Variants in CCDC178 observed in about 807,000 individuals in gnomAD.
The protein encoded by CCDC178 is coiled-coil domain containing 178, also known as coiled-coil domain-containing protein 178.
In CCDC178, 126 loss-of-function variants were observed where a neutral mutation model predicts 117.4. That is an observed-to-expected ratio of 1.07 (90% confidence interval 0.93 to 1.24). The LOEUF (loss-of-function observed/expected upper bound fraction) is 1.24, where lower values mean the gene tolerates loss of function less well. Ranked by LOEUF, CCDC178 falls within the 50% of genes most tolerant of loss-of-function variation. The probability of loss-of-function intolerance (pLI) is 0.00; values close to 1 mark genes in which losing one functional copy is unlikely to be tolerated. For synonymous variants in CCDC178, 283 were observed against 313.4 expected (o/e 0.90, Z 1.02); for missense variants, 1,030 against 986.9 (o/e 1.04, Z -0.59).
At chr18:33,370,822 T>C (rs1360680823) in intron 5 of CCDC178, among the ~76,000 whole-genome samples, 1 of 152,064 alleles carries the variant, frequency 6.6e-6, no homozygotes. Context: ...CTCAGTCCGA[T>C]GTGCCTCAGT....
chr18:33,404,432 A>T (rs1014127327), intron 3 of CCDC178, among the ~76,000 whole-genome samples: 8 of 152,108 alleles, frequency 5.3e-5, no homozygotes, highest in Non-Finnish European at 8.8e-5. Context: ...TATAATAATA[A>T]AGTAAAAACA....
At chr18:33,125,473 C>T (rs931745475) in intron 20 of CCDC178, among the ~76,000 whole-genome samples, 1 of 152,158 alleles carries the variant, frequency 6.6e-6, no homozygotes, top group African/African-American at 2.4e-5. Flanking sequence ...AATGACTTCA[C>T]ATATGCTTGA....
chr18:32,978,227 T>TTTG (rs1309843917), intron 21 of CCDC178, among the ~76,000 whole-genome samples: 12 of 144,222 alleles, frequency 8.3e-5, no homozygotes, highest in Non-Finnish European at 1.2e-4. Context: ...TTTTTTTTTT[T>TTTG]GCGGGGAAAT....
At chr18:32,977,588 TAAGAC>T (rs2055054285) in intron 21 of CCDC178, among the ~76,000 whole-genome samples, 1 of 152,088 alleles carries the variant, frequency 6.6e-6, no homozygotes, top group South Asian at 2.1e-4. Flanking sequence ...AATAGACTAT[TAAGAC>T]AAGAAAAGTT....
chr18:33,391,077 A>C (rs942634867), intron 4 of CCDC178, among the ~76,000 whole-genome samples: 1 of 151,334 alleles, frequency 6.6e-6, no homozygotes, highest in Non-Finnish European at 1.5e-5. Context: ...TCAAATAGCT[A>C]TTATAATATA....
intron 21 of CCDC178, among the ~76,000 whole-genome samples, chr18:33,022,931 GA>G (rs1357708210): frequency 6.6e-6 from 1 of 152,054 alleles, no homozygotes; most frequent in Admixed American, 6.6e-5. Context: ...AAACAGGAAT[GA>G]CTGTGTTGAT....
chr18:33,215,806 G>T lies in CCDC178; in HGVS notation c.1933-111C>A, dbSNP rs559226572. 3.2e-5 allele frequency: 25 copies of T among 771,536 alleles called. No individual in the cohort carries two copies. The African/African-American group carries it at 4.1e-4, about 13-fold the overall frequency. 47.8% of individuals were successfully genotyped at this position (771,536 alleles called of 1,614,324 possible). ...GTGAACAACTAAAAGTTAATAGTGGGCCACACCTGATGGCTCACTCCTGTA... is the reference window on the plus strand; with the variant it reads ...GTGAACAACTAAAAGTTAATAGTGGTCCACACCTGATGGCTCACTCCTGTA... On this transcript the variant is annotated intron_variant, in intron 18 of 22. Transcript: ENST00000383096.
intron 20 of CCDC178, among the ~76,000 whole-genome samples, chr18:33,198,379 A>T: frequency 6.6e-6 from 1 of 152,186 alleles, no homozygotes; most frequent in East Asian, 1.9e-4. Context: ...GCTCTGGTGG[A>T]ACACTTTAGG....
intron 20 of CCDC178, among the ~76,000 whole-genome samples, chr18:33,158,099 C>T (rs1254581435): frequency 6.6e-6 from 1 of 152,124 alleles, no homozygotes; most frequent in Non-Finnish European, 1.5e-5. Context: ...ACTTCCCCTT[C>T]CTAAAAGTGT....
intron 2 of CCDC178, among the ~76,000 whole-genome samples, chr18:33,425,151 C>A (rs979289601): frequency 2.6e-5 from 4 of 152,082 alleles, no homozygotes; most frequent in Admixed American, 2.0e-4. Context: ...AGCTTCTAAA[C>A]CCCTATGCAA....
At chr18:33,386,968 C>T (rs572124523) in intron 5 of CCDC178, among the ~76,000 whole-genome samples, 1 of 152,204 alleles carries the variant, frequency 6.6e-6, no homozygotes, top group East Asian at 1.9e-4. Flanking sequence ...TAGAAAACCC[C>T]ATCGACTCAG....
At chr18:32,964,018 TTA>T (rs2054760336) in intron 22 of CCDC178, among the ~76,000 whole-genome samples, 1 of 152,068 alleles carries the variant, frequency 6.6e-6, no homozygotes, top group African/African-American at 2.4e-5. Flanking sequence ...AATTTACATT[TTA>T]CCCATATCAA....
intron 2 of CCDC178, among the ~76,000 whole-genome samples, chr18:33,424,665 A>G (rs1430581062): frequency 1.3e-5 from 2 of 152,204 alleles, no homozygotes; most frequent in African/African-American, 2.4e-5. Context: ...GGCACGGCCC[A>G]GAGGGAGAAA....
chr18:32,982,370 T>A (rs991070992), intron 21 of CCDC178, among the ~76,000 whole-genome samples: 9 of 152,148 alleles, frequency 5.9e-5, no homozygotes, highest in African/African-American at 2.2e-4. Flanking sequence ...AACTATAAAT[T>A]GTTTTGCCAG....
chr18:33,074,084 CTG>C (rs1369242097), intron 21 of CCDC178, among the ~76,000 whole-genome samples: 1 of 151,980 alleles, frequency 6.6e-6, no homozygotes, highest in Non-Finnish European at 1.5e-5. Context: ...GAGGAAGAGA[CTG>C]GATTATGCAG....
At chr18:33,385,283 C>A (rs1360784921) in intron 5 of CCDC178, among the ~76,000 whole-genome samples, 1 of 152,186 alleles carries the variant, frequency 6.6e-6, no homozygotes, top group Non-Finnish European at 1.5e-5. Context: ...TTTAATAACT[C>A]ACTGTCAGTA....
At chr18:32,985,786 T>G (rs1428235349) in intron 21 of CCDC178, among the ~76,000 whole-genome samples, 4 of 152,002 alleles carry the variant, frequency 2.6e-5, no homozygotes, top group Non-Finnish European at 5.9e-5. Flanking sequence ...CTCTGGAAAT[T>G]TATTATGGTA....
chr18:32,944,646 T>C (rs980242588), intron 22 of CCDC178, among the ~76,000 whole-genome samples: 6 of 152,164 alleles, frequency 3.9e-5, no homozygotes, highest in Non-Finnish European at 8.8e-5. Flanking sequence ...TGTTGGGAAG[T>C]TTCCTGCTCA....
At chr18:33,416,922 G>A (rs2063949321) in intron 2 of CCDC178, among the ~76,000 whole-genome samples, 1 of 65,884 alleles carries the variant, frequency 1.5e-5, no homozygotes. Flanking sequence ...CTATGAAAAT[G>A]ACTAAAATTA....
Sources: allele counts gnomAD v4.1 joint callset (sites outside exome capture counted in the v4.1 genomes callset), GRCh38; gene constraint gnomAD v4.1.1; transcripts MANE v1.5; gene names NCBI Gene and HGNC (gene_info 2026-07-23, HGNC 2026-07-21).